Variants in GALNT13 observed in about 807,000 individuals in gnomAD.
The protein encoded by GALNT13 is UDP-GalNAc:polypeptide N-acetylgalactosaminyltransferase 13.
In GALNT13, 28 loss-of-function variants were observed where a neutral mutation model predicts 64.2. The observed-to-expected ratio is 0.44, with a 90% confidence interval of 0.32 to 0.60. GALNT13 has a LOEUF of 0.60. Among genes scored for constraint, GALNT13 ranks in the 20% least tolerant of loss-of-function variants. GALNT13 has a pLI of 0.05. For missense variants in GALNT13, 577 were observed against 669.8 expected (o/e 0.86, Z 1.53); for synonymous variants, 214 against 224.6 (o/e 0.95, Z 0.42).
At chr2:153,376,083 A>G in the GALNT13 span, among the ~76,000 whole-genome samples, 1 of 152,188 alleles carries the variant, frequency 6.6e-6, no homozygotes, top group Admixed American at 6.5e-5. Flanking sequence ...ATCTGTCCCT[A>G]TGACCCAAAC....
rs376638776 is a variant in GALNT13, at chr2:154,186,216, T to C, written c.311+45711T>C. Among the ~76,000 whole-genome samples the C allele has an allele frequency of 3.9e-5, 6 of 152,192 alleles. No homozygotes were observed. In the East Asian group the frequency reaches 9.6e-4, roughly 24 times the overall value. ...GAATAGCAGCATTATTTTGTTAATTTTGAAGAAAATATTAGGCAAATTCCC... is the reference window on the plus strand; with the variant it reads ...GAATAGCAGCATTATTTTGTTAATTCTGAAGAAAATATTAGGCAAATTCCC... On this transcript the variant is annotated intron_variant, in intron 4 of 12. Coordinates refer to ENST00000392825, the MANE Select transcript of GALNT13 (RefSeq NM_052917.4).
chr2:153,681,655 C>G, the GALNT13 span, among the ~76,000 whole-genome samples: 1 of 151,862 alleles, frequency 6.6e-6, no homozygotes, highest in East Asian at 1.9e-4. Flanking sequence ...CTCATTCTTC[C>G]CCTTTATCAC....
chr2:153,638,045 A>G, the GALNT13 span, among the ~76,000 whole-genome samples: 26 of 150,868 alleles, frequency 1.7e-4, no homozygotes, highest in South Asian at 4.8e-3. Context: ...TATTTCCCAA[A>G]GAAGCTGAAG....
chr2:153,683,075 C>T, the GALNT13 span, among the ~76,000 whole-genome samples: 5 of 151,722 alleles, frequency 3.3e-5, no homozygotes, highest in Middle Eastern at 3.4e-3. Context: ...AAATATGATG[C>T]GGCTCCATTG....
chr2:153,671,553 A>G, the GALNT13 span, among the ~76,000 whole-genome samples: 1 of 152,242 alleles, frequency 6.6e-6, no homozygotes, highest in African/African-American at 2.4e-5. Flanking sequence ...TGAAGGAAGC[A>G]CTAAACATGG....
the GALNT13 span, among the ~76,000 whole-genome samples, chr2:153,273,189 G>T: frequency 6.6e-6 from 1 of 152,164 alleles, no homozygotes; most frequent in Admixed American, 6.6e-5. Context: ...ATGATGGGTT[G>T]ATGGGTGCAG....
At chr2:154,438,904 A>G (rs1381504103) in intron 12 of GALNT13, among the ~76,000 whole-genome samples, 178 bp downstream of exon 12, 2 of 152,160 alleles carry the variant, frequency 1.3e-5, no homozygotes, top group African/African-American at 2.4e-5. Flanking sequence ...GGTTTCACCA[A>G]ATTGGTCCAT....
chr2:153,473,854 A>G, the GALNT13 span, among the ~76,000 whole-genome samples: 1 of 152,342 alleles, frequency 6.6e-6, no homozygotes, highest in Admixed American at 6.5e-5. Flanking sequence ...GAGTCTTCAA[A>G]CACCCTAGTA....
chr2:153,304,597 G>A, the GALNT13 span, among the ~76,000 whole-genome samples: 1 of 152,136 alleles, frequency 6.6e-6, no homozygotes, highest in African/African-American at 2.4e-5. Flanking sequence ...TGTGACTTAT[G>A]ACGGAATAAC....
intron 9 of GALNT13, among the ~76,000 whole-genome samples, chr2:154,386,502 C>T (rs1339132413): frequency 6.6e-6 from 1 of 151,928 alleles, no homozygotes; most frequent in Non-Finnish European, 1.5e-5. Context: ...TCTCAAGTTT[C>T]AAGACTGGGA....
chr2:153,820,337 C>G, the GALNT13 span, among the ~76,000 whole-genome samples: 2 of 152,000 alleles, frequency 1.3e-5, no homozygotes, highest in African/African-American at 4.8e-5. Context: ...GAAAATTTCC[C>G]TAATATGGTT....
chr2:153,872,373 A>G (rs933365532), intron 1 of GALNT13, 70 bp downstream of exon 1: 5 of 151,786 alleles, frequency 3.3e-5, no homozygotes, highest in African/African-American at 1.2e-4. Context: ...CTGGGCTGCC[A>G]GAGTGCCGGG....
At chr2:153,400,632 C>G in the GALNT13 span, among the ~76,000 whole-genome samples, 1 of 152,138 alleles carries the variant, frequency 6.6e-6, no homozygotes, top group Non-Finnish European at 1.5e-5. Context: ...AGAGATTCAA[C>G]TTCTTCCTGG....
At chr2:153,765,475 G>A in the GALNT13 span, among the ~76,000 whole-genome samples, 1 of 152,260 alleles carries the variant, frequency 6.6e-6, no homozygotes, top group East Asian at 1.9e-4. Flanking sequence ...TGAAACATGT[G>A]TAATTACCCA....
chr2:154,356,775 A>G (rs1359156425), intron 9 of GALNT13, among the ~76,000 whole-genome samples: 1 of 151,854 alleles, frequency 6.6e-6, no homozygotes, highest in Non-Finnish European at 1.5e-5. Context: ...CTTCTAACTG[A>G]GCCTTAAACT....
chr2:153,330,708 T>A, the GALNT13 span, among the ~76,000 whole-genome samples: 1 of 152,156 alleles, frequency 6.6e-6, no homozygotes, highest in Admixed American at 6.5e-5. Flanking sequence ...AGGTATAGAA[T>A]CATATCATTC....
At chr2:153,150,054 C>T in the GALNT13 span, among the ~76,000 whole-genome samples, 1 of 151,740 alleles carries the variant, frequency 6.6e-6, no homozygotes, top group East Asian at 1.9e-4. Flanking sequence ...CATCCATGAT[C>T]TCTTGTCGGC....
the GALNT13 span, among the ~76,000 whole-genome samples, chr2:153,400,784 T>A: frequency 1.3e-5 from 2 of 152,136 alleles, no homozygotes; most frequent in South Asian, 4.1e-4. Flanking sequence ...CCCTTTATCA[T>A]TTTTTATTGT....
chr2:153,569,607 C>T, the GALNT13 span, among the ~76,000 whole-genome samples: 1 of 151,694 alleles, frequency 6.6e-6, no homozygotes, highest in Non-Finnish European at 1.5e-5. Context: ...TGTTTTGATG[C>T]AGGCATGTAA....
Sources: gnomAD v4.1 joint callset for allele counts (sites outside exome capture counted in the v4.1 genomes callset) on GRCh38, gnomAD v4.1.1 for gene constraint, MANE v1.5 for transcripts, NCBI Gene and HGNC (gene_info 2026-07-23, HGNC 2026-07-21) for gene names.